Variants in KCNMA1 observed in about 807,000 individuals in gnomAD.
The protein encoded by KCNMA1 is potassium calcium-activated channel subfamily M alpha 1.
In KCNMA1, 29 loss-of-function variants were observed where a neutral mutation model predicts 140.0. That is an observed-to-expected ratio of 0.21 (90% CI 0.15 to 0.28). The LOEUF (loss-of-function observed/expected upper bound fraction) is 0.28. KCNMA1 is among the 10% of genes least tolerant of loss of function. The pLI is 1.00. For missense variants in KCNMA1, 880 were observed against 1,602.2 expected, an observed-to-expected ratio of 0.55 and a Z score of 7.70; for synonymous variants, 612 against 611.9, an observed-to-expected ratio of 1.00 and a Z score of 0.00.
In KCNMA1 at chr10:77,353,334, C is replaced by G. The variant is rs368599914; in HGVS notation, c.540+50528G>C. The stretch of plus-strand genomic sequence containing the variant: ...GCCCCATCACTGAGTGGTTGTAGGG[C>G]TCAAGAAGGATCATATTGGCAGCAA... On this transcript the variant is annotated intron_variant, in intron 2 of 27. Coordinates refer to ENST00000286628, the MANE Select transcript of KCNMA1 (RefSeq NM_001161352.2). Among the ~76,000 whole-genome samples the G allele has an allele frequency of 1.5e-4, 23 of 152,152 alleles. No homozygotes were observed. The East Asian group carries it at 3.1e-3, about 20-fold the overall frequency.
chr10:77,501,111 C>T (rs1458714388), intron 1 of KCNMA1, among the ~76,000 whole-genome samples: 1 of 152,248 alleles, frequency 6.6e-6, no homozygotes, highest in African/African-American at 2.4e-5. Flanking sequence ...CCAAATCCTG[C>T]CCCATTTCAG....
intron 6 of KCNMA1, among the ~76,000 whole-genome samples, chr10:77,116,423 C>T (rs977033847): frequency 3.3e-5 from 5 of 152,062 alleles, no homozygotes; most frequent in African/African-American, 1.2e-4. Context: ...TTTAACAAGA[C>T]ATGTTTCAGT....
intron 3 of KCNMA1, among the ~76,000 whole-genome samples, chr10:77,236,193 T>A (rs2055381230): frequency 6.6e-6 from 1 of 152,188 alleles, no homozygotes; most frequent in South Asian, 2.1e-4. Context: ...TAGTCACACA[T>A]TGATGCTGGG....
chr10:77,147,373 A>G (rs1299008042), intron 5 of KCNMA1, among the ~76,000 whole-genome samples: 2 of 152,178 alleles, frequency 1.3e-5, no homozygotes, highest in African/African-American at 4.8e-5. Context: ...TGACTATTCC[A>G]AAGAATCTTT....
intron 17 of KCNMA1, chr10:77,012,533 C>CA (rs1277982208): frequency 2.6e-6 from 4 of 1,549,916 alleles, no homozygotes; most frequent in Non-Finnish European, 3.5e-6. Flanking sequence ...TCTGGGCAGC[C>CA]AAAGGGAGAC....
At chr10:77,028,169 G>A (rs941927386) in intron 15 of KCNMA1, among the ~76,000 whole-genome samples, 3 of 152,126 alleles carry the variant, frequency 2.0e-5, no homozygotes, top group African/African-American at 7.2e-5. Context: ...ATTTGTGCCT[G>A]GGGATTTACT....
chr10:77,378,254 G>A (rs2095248969), intron 2 of KCNMA1, among the ~76,000 whole-genome samples: 1 of 152,186 alleles, frequency 6.6e-6, no homozygotes, highest in African/African-American at 2.4e-5. Flanking sequence ...AGGTGAGGTG[G>A]TGAGGTTGCT....
intron 2 of KCNMA1, among the ~76,000 whole-genome samples, chr10:77,317,783 G>C (rs1469858285): frequency 6.6e-6 from 1 of 152,202 alleles, no homozygotes; most frequent in Non-Finnish European, 1.5e-5. Context: ...ATAAATTCGA[G>C]GTGATATTAA....
chr10:77,062,741 C>T (rs901622975), intron 14 of KCNMA1, among the ~76,000 whole-genome samples: 1 of 152,136 alleles, frequency 6.6e-6, no homozygotes, highest in Non-Finnish European at 1.5e-5. Context: ...TGAGGGGAAA[C>T]CTAGGATAAG....
At chr10:77,441,685 C>G (rs1566874357) in intron 1 of KCNMA1, among the ~76,000 whole-genome samples, 1 of 152,128 alleles carries the variant, frequency 6.6e-6, no homozygotes, top group Non-Finnish European at 1.5e-5. Flanking sequence ...TACAAACTCT[C>G]TCCCCTCTCT....
intron 5 of KCNMA1, among the ~76,000 whole-genome samples, chr10:77,140,011 T>C (rs571336993): frequency 6.6e-6 from 1 of 152,366 alleles, no homozygotes; most frequent in Admixed American, 6.5e-5. Context: ...TGCCAAACTT[T>C]CTCCCACATT....
At chr10:77,260,411 C>T (rs1412947370) in intron 2 of KCNMA1, among the ~76,000 whole-genome samples, 1 of 152,228 alleles carries the variant, frequency 6.6e-6, no homozygotes, top group Non-Finnish European at 1.5e-5. Flanking sequence ...GTCCAGCACT[C>T]CTGGGTTACA....
intron 16 of KCNMA1, among the ~76,000 whole-genome samples, chr10:77,026,242 G>A (rs772564088): frequency 2.3e-4 from 35 of 152,176 alleles, no homozygotes; most frequent in Non-Finnish European, 4.4e-4. Flanking sequence ...CAAGGTTCAG[G>A]GTGCAATCTC....
At chr10:77,297,082 C>T (rs1039843576) in intron 2 of KCNMA1, among the ~76,000 whole-genome samples, 3 of 152,078 alleles carry the variant, frequency 2.0e-5, no homozygotes, top group African/African-American at 4.8e-5. Flanking sequence ...AGACCACCCC[C>T]GTAACTTGTG....
chr10:77,308,956 T>A (rs751736565), intron 2 of KCNMA1, among the ~76,000 whole-genome samples: 8 of 152,222 alleles, frequency 5.3e-5, no homozygotes, highest in Non-Finnish European at 1.0e-4. Context: ...TGAACTCTGA[T>A]CCTGTGAGCT....
intron 5 of KCNMA1, among the ~76,000 whole-genome samples, chr10:77,129,243 T>C (rs952089436): frequency 1.3e-5 from 2 of 152,210 alleles, no homozygotes; most frequent in African/African-American, 4.8e-5. Flanking sequence ...ATTTTTCTAA[T>C]CAAGAAGATT....
intron 3 of KCNMA1, among the ~76,000 whole-genome samples, chr10:77,231,215 A>T (rs1204648737): frequency 1.3e-5 from 2 of 152,180 alleles, no homozygotes; most frequent in Admixed American, 1.3e-4. Flanking sequence ...CATGTCGAAG[A>T]TACATAAGTT....
chr10:77,225,365 T>A (rs2050976405), intron 3 of KCNMA1, among the ~76,000 whole-genome samples: 1 of 151,994 alleles, frequency 6.6e-6, no homozygotes, highest in Non-Finnish European at 1.5e-5. Context: ...AAAGATGGGG[T>A]ATCATTTCAG....
At chr10:77,089,909 C>T (rs2096775878) in intron 10 of KCNMA1, among the ~76,000 whole-genome samples, 1 of 152,136 alleles carries the variant, frequency 6.6e-6, no homozygotes, top group South Asian at 2.1e-4. Flanking sequence ...CAGTGACGGG[C>T]TAGGGTCCCA....
Sources: gnomAD v4.1 joint callset for allele counts (sites outside exome capture counted in the v4.1 genomes callset) on GRCh38, gnomAD v4.1.1 for gene constraint, MANE v1.5 for transcripts, NCBI Gene and HGNC (gene_info 2026-07-23, HGNC 2026-07-21) for gene names.